Variants in PTPRT observed in about 807,000 individuals in gnomAD.
PTPRT encodes receptor-type tyrosine-protein phosphatase T.
Under a neutral mutation model 176.8 loss-of-function variants are expected in PTPRT, and 56 were observed. The observed-to-expected ratio is 0.32, with a 90% CI of 0.26 to 0.40. The LOEUF (loss-of-function observed/expected upper bound fraction) is 0.40, where lower values mean the gene tolerates loss of function less well. Among genes scored for constraint, PTPRT ranks in the 10% least tolerant of loss-of-function variants. The pLI is 1.00. For missense variants in PTPRT, 1,540 were observed against 1,908.2 expected, an observed-to-expected ratio of 0.81 and a Z score of 3.60; for synonymous variants, 783 against 739.0, an observed-to-expected ratio of 1.06 and a Z score of -0.96.
chr20:42,747,385 C>A (rs1433126233), intron 6 of PTPRT, among the ~76,000 whole-genome samples: 1 of 152,144 alleles, frequency 6.6e-6, no homozygotes, highest in African/African-American at 2.4e-5. Context: ...ATAAGGCTTA[C>A]AAAGCTTCTT....
At chr20:42,041,853 C>T in the PTPRT span, among the ~76,000 whole-genome samples, 1 of 152,150 alleles carries the variant, frequency 6.6e-6, no homozygotes, top group Non-Finnish European at 1.5e-5. Context: ...ATTGTCATGG[C>T]CAACTGTTTA....
intron 15 of PTPRT, among the ~76,000 whole-genome samples, chr20:42,229,254 G>C (rs1402447671): frequency 6.6e-6 from 1 of 152,184 alleles, no homozygotes; most frequent in African/African-American, 2.4e-5. Context: ...GGGGGGTGAG[G>C]CTCAGGAATC....
At chr20:42,742,604 G>A (rs1477735558) in intron 6 of PTPRT, among the ~76,000 whole-genome samples, 1 of 152,160 alleles carries the variant, frequency 6.6e-6, no homozygotes, top group Admixed American at 6.5e-5. Context: ...CAAAAGGAGT[G>A]TATATCACTT....
chr20:42,856,573 T>C (rs139255176), intron 2 of PTPRT, among the ~76,000 whole-genome samples: 103 of 152,134 alleles, frequency 6.8e-4, no homozygotes, highest in Non-Finnish European at 1.4e-3. Context: ...ACCGGGAGTG[T>C]ATCAGCTTCT....
chr20:42,869,051 G>A (rs898936590), intron 2 of PTPRT, among the ~76,000 whole-genome samples: 5 of 152,286 alleles, frequency 3.3e-5, no homozygotes, highest in African/African-American at 1.2e-4. Context: ...AGCTGTGGGG[G>A]CATGGCTACC....
chr20:43,025,734 C>A lies in PTPRT; in HGVS notation c.89-139802G>T, dbSNP rs78901097. Reference sequence around the variant, plus strand: ...TCCTGGAATATCTCTCAGGAACACACACAAAAAATTTTCTTCTGGCAGAAT... The same window carrying A: ...TCCTGGAATATCTCTCAGGAACACAAACAAAAAATTTTCTTCTGGCAGAAT... On this transcript the variant is annotated intron_variant, in intron 1 of 30. Transcript: ENST00000373187. Among the ~76,000 whole-genome samples the A allele has an allele frequency of 6.6e-5, 10 of 152,232 alleles. No homozygotes were observed. In the East Asian group the frequency reaches 1.5e-3, roughly 24 times the overall value.
chr20:42,265,712 A>G (rs759642351), intron 13 of PTPRT, among the ~76,000 whole-genome samples: 1 of 152,042 alleles, frequency 6.6e-6, no homozygotes, highest in Non-Finnish European at 1.5e-5. Flanking sequence ...CACTGGGCAC[A>G]TGCTCCCTTG....
chr20:42,423,253 G>A (rs546794064), intron 9 of PTPRT, among the ~76,000 whole-genome samples: 1 of 151,160 alleles, frequency 6.6e-6, no homozygotes, highest in South Asian at 2.1e-4. Context: ...TCTCTGCCAG[G>A]GACTTTTGCA....
intron 1 of PTPRT, among the ~76,000 whole-genome samples, chr20:43,149,501 G>C (rs1268337708): frequency 6.6e-6 from 1 of 152,182 alleles, no homozygotes. Flanking sequence ...TCAATGAATG[G>C]GTGAGGAACA....
At chr20:42,121,272 G>A (rs777070031) in intron 19 of PTPRT, among the ~76,000 whole-genome samples, 69 of 152,168 alleles carry the variant, frequency 4.5e-4, no homozygotes, top group Admixed American at 3.4e-3. Flanking sequence ...ACCAATCCAG[G>A]GGCAATGTCA....
chr20:42,080,900 C>T lies in PTPRT; in HGVS notation c.4305G>A (p.Leu1435=), dbSNP rs768614643. The T allele has an allele frequency of 8.7e-6, 14 of 1,611,078 alleles. No homozygotes were observed. The highest frequency in any genetic ancestry group is 1.0e-5 in the Non-Finnish European group (12 of 1,177,740). The change falls in exon 31 of 31, where the codon CTG becomes CTA. Residue 1435 remains leucine, a synonymous_variant. Transcript: ENST00000373187. ...TGAGCTAAAAGGAGCTTAAATATTC[C>T]AGTGCCACCTCGTATACAAATTTAT... is the stretch of plus-strand genomic sequence containing the variant. The part of the protein sequence containing the change: ...EQYKFVYEVA[L]EYLSSF
At chr20:42,355,933 T>C (rs2058352375) in intron 9 of PTPRT, among the ~76,000 whole-genome samples, 1 of 152,176 alleles carries the variant, frequency 6.6e-6, no homozygotes, top group Non-Finnish European at 1.5e-5. Flanking sequence ...TCCTAACCTT[T>C]CCTGGTATTA....
At chr20:42,983,633 T>A (rs1315129562) in intron 1 of PTPRT, among the ~76,000 whole-genome samples, 2 of 152,190 alleles carry the variant, frequency 1.3e-5, no homozygotes, top group Admixed American at 1.3e-4. Flanking sequence ...TTCACACTCC[T>A]GAGACAAGTG....
At chr20:42,837,406 TA>T (rs1245375809) in intron 2 of PTPRT, among the ~76,000 whole-genome samples, 1 of 152,212 alleles carries the variant, frequency 6.6e-6, no homozygotes, top group Admixed American at 6.5e-5. Flanking sequence ...GCTATCATCC[TA>T]TTGTGACACC....
chr20:42,151,975 T>C (rs907997303), intron 17 of PTPRT, among the ~76,000 whole-genome samples: 2 of 152,222 alleles, frequency 1.3e-5, no homozygotes, highest in Admixed American at 6.5e-5. Flanking sequence ...GTCTCTATTG[T>C]GGTCCACGGG....
chr20:42,514,904 A>G (rs746939065), intron 7 of PTPRT, among the ~76,000 whole-genome samples: 2 of 152,174 alleles, frequency 1.3e-5, no homozygotes, highest in African/African-American at 2.4e-5. Context: ...AAATCCCTGT[A>G]CTAACTTCAC....
intron 6 of PTPRT, among the ~76,000 whole-genome samples, chr20:42,691,613 C>A (rs1428662279): frequency 6.6e-6 from 1 of 152,184 alleles, no homozygotes. Flanking sequence ...AACTGAAAAA[C>A]GAGCTTCTTC....
chr20:42,825,787 G>C (rs190520332), intron 2 of PTPRT, among the ~76,000 whole-genome samples: 1 of 152,068 alleles, frequency 6.6e-6, no homozygotes, highest in African/African-American at 2.4e-5. Context: ...AAGAAAAATG[G>C]TTGGACAAAT....
intron 15 of PTPRT, among the ~76,000 whole-genome samples, chr20:42,219,084 T>C (rs559168553): frequency 6.6e-6 from 1 of 152,290 alleles, no homozygotes; most frequent in South Asian, 2.1e-4. Context: ...GATTAATTAA[T>C]TAGTGTACAC....
Sources: allele counts gnomAD v4.1 joint callset (sites outside exome capture counted in the v4.1 genomes callset), GRCh38; gene constraint gnomAD v4.1.1; transcripts MANE v1.5; gene names NCBI Gene and HGNC (gene_info 2026-07-23, HGNC 2026-07-21).